FCHSD2: variants seen among roughly 807,000 people sequenced by gnomAD.
FCHSD2 encodes F-BAR and double SH3 domains protein 2.
In FCHSD2, 38 loss-of-function variants were observed where a neutral mutation model predicts 108.1. The observed-to-expected ratio is 0.35, with a 90% CI of 0.27 to 0.46. The LOEUF is 0.46. Among genes scored for constraint, FCHSD2 ranks in the 20% least tolerant of loss-of-function variants. The probability of loss-of-function intolerance (pLI) is 1.00; values close to 1 mark genes in which losing one functional copy is unlikely to be tolerated. For synonymous variants in FCHSD2, 279 were observed against 314.7 expected, an observed-to-expected ratio of 0.89 and a Z score of 1.20; for missense variants, 751 against 897.8, an observed-to-expected ratio of 0.84 and a Z score of 2.09.
At chr11:73,136,186 A>T (rs933371247) in intron 2 of FCHSD2, among the ~76,000 whole-genome samples, 8 of 150,798 alleles carry the variant, frequency 5.3e-5, no homozygotes, top group African/African-American at 1.9e-4. Context: ...AAAGAAAGAA[A>T]AAAGAAGGGA....
intron 2 of FCHSD2, among the ~76,000 whole-genome samples, chr11:73,090,942 CCT>C (rs1859942343): frequency 6.6e-6 from 1 of 152,172 alleles, no homozygotes; most frequent in South Asian, 2.1e-4. Context: ...CTTCTCCTCC[CCT>C]GTCAACTACT....
chr11:72,972,645 A>C (rs1015354530), intron 8 of FCHSD2, among the ~76,000 whole-genome samples: 1 of 152,270 alleles, frequency 6.6e-6, no homozygotes, highest in Non-Finnish European at 1.5e-5. Context: ...AAAGACTTAC[A>C]AGAAGCATCC....
chr11:72,962,550 G>A (rs1856835552), intron 8 of FCHSD2, among the ~76,000 whole-genome samples: 1 of 151,472 alleles, frequency 6.6e-6, no homozygotes, highest in African/African-American at 2.4e-5. Context: ...AGTGATTTTT[G>A]AGATGTTTTT....
intron 8 of FCHSD2, among the ~76,000 whole-genome samples, chr11:72,927,051 T>C (rs1429522612): frequency 6.6e-6 from 1 of 152,208 alleles, no homozygotes; most frequent in African/African-American, 2.4e-5. Flanking sequence ...TAAATCCTAG[T>C]TTTTACTATC....
chr11:72,950,932 A>G (rs1407086778), intron 8 of FCHSD2, among the ~76,000 whole-genome samples: 1 of 152,190 alleles, frequency 6.6e-6, no homozygotes, highest in Admixed American at 6.5e-5. Flanking sequence ...TTCAGTGTGA[A>G]CAGAAGTAAC....
chr11:73,072,723 T>A (rs1388606188), intron 3 of FCHSD2, among the ~76,000 whole-genome samples: 1 of 152,292 alleles, frequency 6.6e-6, no homozygotes, highest in East Asian at 1.9e-4. Flanking sequence ...TATTCACCAT[T>A]AATCTCTAAT....
At chr11:73,050,993 CAGTT>C (rs113511914) in intron 3 of FCHSD2, among the ~76,000 whole-genome samples, 2 of 152,248 alleles carry the variant, frequency 1.3e-5, no homozygotes, top group South Asian at 2.1e-4. Flanking sequence ...AATTTGACAT[CAGTT>C]AGTTTGTTAT....
chr11:73,131,912 C>A (rs889810726), intron 2 of FCHSD2, among the ~76,000 whole-genome samples: 1 of 152,124 alleles, frequency 6.6e-6, no homozygotes, highest in South Asian at 2.1e-4. Context: ...ATGAAATAAA[C>A]TGGTGCATAA....
chr11:72,863,866 C>T (rs538585938), intron 13 of FCHSD2, among the ~76,000 whole-genome samples: 1 of 152,212 alleles, frequency 6.6e-6, no homozygotes, highest in African/African-American at 2.4e-5. Context: ...AACTGAAACA[C>T]TAGTACCCCG....
At chr11:73,076,865 C>T (rs1859565380) in intron 3 of FCHSD2, among the ~76,000 whole-genome samples, 1 of 152,066 alleles carries the variant, frequency 6.6e-6, no homozygotes, top group South Asian at 2.1e-4. Context: ...AATCCCAACA[C>T]TTTGGGAGGC....
intron 8 of FCHSD2, among the ~76,000 whole-genome samples, chr11:72,939,972 C>T (rs1406182975): frequency 6.6e-6 from 1 of 152,120 alleles, no homozygotes; most frequent in African/African-American, 2.4e-5. Context: ...TCTTCGAGAA[C>T]ATCTGTGGAC....
intron 8 of FCHSD2, among the ~76,000 whole-genome samples, chr11:72,928,716 T>C (rs1055448791): frequency 1.3e-5 from 2 of 152,052 alleles, no homozygotes; most frequent in Non-Finnish European, 2.9e-5. Flanking sequence ...AGCCACTTTC[T>C]TTTTTTTATT....
intron 10 of FCHSD2, among the ~76,000 whole-genome samples, chr11:72,893,092 G>C (rs923274561): frequency 6.6e-6 from 1 of 151,830 alleles, no homozygotes; most frequent in East Asian, 1.9e-4. Flanking sequence ...TCTGCCTCTC[G>C]GGTTCAAGAG....
intron 3 of FCHSD2, among the ~76,000 whole-genome samples, chr11:73,064,355 C>CCT (rs924930039): frequency 6.6e-6 from 1 of 151,684 alleles, no homozygotes; most frequent in Non-Finnish European, 1.5e-5. Flanking sequence ...AAATTGATAC[C>CCT]CTAACATCAA....
intron 2 of FCHSD2, among the ~76,000 whole-genome samples, chr11:73,131,925 G>C (rs1861013151): frequency 6.6e-6 from 1 of 152,150 alleles, no homozygotes; most frequent in African/African-American, 2.4e-5. Context: ...GTGCATAAAT[G>C]GGTCACATTC....
At chr11:73,112,044 T>C (rs1860498726) in intron 2 of FCHSD2, among the ~76,000 whole-genome samples, 1 of 152,212 alleles carries the variant, frequency 6.6e-6, no homozygotes, top group Non-Finnish European at 1.5e-5. Flanking sequence ...AATTACAGTG[T>C]TATAAAATTG....
At chr11:72,892,435 G>A (rs1390187287) in intron 10 of FCHSD2, among the ~76,000 whole-genome samples, 3 of 152,182 alleles carry the variant, frequency 2.0e-5, no homozygotes, top group Non-Finnish European at 4.4e-5. Context: ...TGGAATACAT[G>A]TGGAAGCTCC....
At chr11:72,902,926 T>A (rs535657685) in intron 9 of FCHSD2, among the ~76,000 whole-genome samples, 1 of 152,284 alleles carries the variant, frequency 6.6e-6, no homozygotes, top group Non-Finnish European at 1.5e-5. Context: ...AGATAGTTTT[T>A]ACACAAAAAG....
chr11:72,990,969 A>G (rs1428626256), intron 5 of FCHSD2, among the ~76,000 whole-genome samples: 1 of 152,230 alleles, frequency 6.6e-6, no homozygotes, highest in Non-Finnish European at 1.5e-5. Context: ...TACTAGCAAG[A>G]CTAATAAAGA....
Sources: gnomAD v4.1 joint callset for allele counts (sites outside exome capture counted in the v4.1 genomes callset) on GRCh38, gnomAD v4.1.1 for gene constraint, MANE v1.5 for transcripts, NCBI Gene and HGNC (gene_info 2026-07-23, HGNC 2026-07-21) for gene names.